The following STRN3 variants were observed in gnomAD, a reference collection of about 807,000 sequenced individuals.
The protein encoded by STRN3 is striatin-3.
Under a neutral mutation model 95.6 loss-of-function variants are expected in STRN3, and 29 were observed. The observed-to-expected ratio is 0.30, with a 90% CI of 0.23 to 0.41. The LOEUF is 0.41. STRN3 is among the 10% of genes least tolerant of loss of function. The pLI is 1.00. For synonymous variants in STRN3, 331 were observed against 357.6 expected (o/e 0.93, Z 0.84); for missense variants, 890 against 972.1 (o/e 0.92, Z 1.12).
At chr14:30,998,348 A>G (rs1188728578) in intron 1 of STRN3, among the ~76,000 whole-genome samples, 1 of 152,236 alleles carries the variant, frequency 6.6e-6, no homozygotes, top group Non-Finnish European at 1.5e-5. Flanking sequence ...AAGCTAACTA[A>G]AAAGCTTAAA....
chr14:30,914,166 T>G (rs564689702), intron 9 of STRN3, among the ~76,000 whole-genome samples: 1 of 152,268 alleles, frequency 6.6e-6, no homozygotes, highest in East Asian at 1.9e-4. Flanking sequence ...TAAAAACTAG[T>G]ACAAACATTG....
chr14:30,984,135 CA>C (rs1566474715), intron 1 of STRN3, among the ~76,000 whole-genome samples: 2 of 103,380 alleles, frequency 1.9e-5, no homozygotes, highest in African/African-American at 3.4e-5. Flanking sequence ...CCGCCCCCCC[CA>C]ACCCCCCCCC....
chr14:30,962,667 TG>T (rs2139166457), intron 1 of STRN3, among the ~76,000 whole-genome samples: 1 of 152,268 alleles, frequency 6.6e-6, no homozygotes, highest in South Asian at 2.1e-4. Context: ...CCCGAGCAGC[TG>T]GAACTACAAG....
At chr14:30,921,660 T>C (rs1186862195) in intron 8 of STRN3, among the ~76,000 whole-genome samples, 1 of 152,032 alleles carries the variant, frequency 6.6e-6, no homozygotes, top group Non-Finnish European at 1.5e-5. Context: ...ATATAATAAA[T>C]GCAATGAAAC....
At chr14:30,934,413 A>G (rs907162525) in intron 7 of STRN3, among the ~76,000 whole-genome samples, 1 of 152,214 alleles carries the variant, frequency 6.6e-6, no homozygotes, top group African/African-American at 2.4e-5. Context: ...CAACATGCTG[A>G]TATTAAATGA....
At chr14:30,991,434 C>G (rs1881949119) in intron 1 of STRN3, among the ~76,000 whole-genome samples, 1 of 152,120 alleles carries the variant, frequency 6.6e-6, no homozygotes, top group Non-Finnish European at 1.5e-5. Context: ...GTAAATAGGA[C>G]AGGCATCTGT....
intron 5 of STRN3, among the ~76,000 whole-genome samples, chr14:30,939,394 A>C (rs1878983749): frequency 6.6e-6 from 1 of 152,184 alleles, no homozygotes; most frequent in Admixed American, 6.6e-5. Context: ...TAAGGAACGC[A>C]GTCTGGAGTG....
At chr14:30,920,708 T>C (rs1896857762) in intron 8 of STRN3, among the ~76,000 whole-genome samples, 1 of 152,168 alleles carries the variant, frequency 6.6e-6, no homozygotes, top group South Asian at 2.1e-4. Flanking sequence ...AATTGGTTTT[T>C]CTATCTCCAA....
Position 30,911,239 on chromosome 14 carries a change from T to C in STRN3, c.1599-77A>G, listed in dbSNP as rs564473547. 229 of 1,448,646 alleles carry C rather than the reference T, an allele frequency of 1.6e-4. 2 individuals carry two copies. The Admixed American group carries it at 5.5e-3, about 35-fold the overall frequency. 89.7% of individuals were successfully genotyped at this position (1,448,646 alleles called of 1,614,324 possible). On this transcript the variant is annotated intron_variant, in intron 12 of 17. Coordinates refer to ENST00000357479, the MANE Select transcript of STRN3 (RefSeq NM_001083893.2). ...CTCAAATCTCCATTCCCCCAACCTC[T>C]GAATTTATGTAATATCTAAAAACTG...
intron 1 of STRN3, among the ~76,000 whole-genome samples, chr14:31,009,871 G>A (rs1423281260): frequency 6.6e-6 from 1 of 152,090 alleles, no homozygotes; most frequent in Non-Finnish European, 1.5e-5. Flanking sequence ...GGCTGGGGTG[G>A]TAGGATTGCT....
chr14:30,956,704 A>G (rs1879922882), intron 1 of STRN3, among the ~76,000 whole-genome samples: 1 of 152,224 alleles, frequency 6.6e-6, no homozygotes, highest in Non-Finnish European at 1.5e-5. Flanking sequence ...TCACCTTCAC[A>G]TAACCTTGAA....
At chr14:30,952,707 A>C (rs1307333465) in intron 3 of STRN3, among the ~76,000 whole-genome samples, 1 of 152,054 alleles carries the variant, frequency 6.6e-6, no homozygotes, top group Non-Finnish European at 1.5e-5. Flanking sequence ...CTCAAAAAAA[A>C]CCAAAAAAAC....
At chr14:30,999,558 C>A (rs1414599088) in intron 1 of STRN3, among the ~76,000 whole-genome samples, 7 of 152,114 alleles carry the variant, frequency 4.6e-5, no homozygotes, top group Non-Finnish European at 8.8e-5. Flanking sequence ...AAGGGCTCAA[C>A]AGCAGCTATG....
At chr14:30,981,606 A>ACACACACACCCCCC in intron 1 of STRN3, among the ~76,000 whole-genome samples, 1 of 148,600 alleles carries the variant, frequency 6.7e-6, no homozygotes, top group East Asian at 2.0e-4. Context: ...ACACACACAC[A>ACACACACACCCCCC]CCCCATAATT....
intron 1 of STRN3, among the ~76,000 whole-genome samples, chr14:30,972,318 T>C (rs1183450926): frequency 6.6e-6 from 1 of 151,596 alleles, no homozygotes; most frequent in African/African-American, 2.4e-5. Context: ...CTCTTTAAAT[T>C]AGCCAATCGG....
intron 1 of STRN3, among the ~76,000 whole-genome samples, chr14:30,960,703 A>G (rs1176732585): frequency 6.6e-6 from 1 of 151,926 alleles, no homozygotes; most frequent in Non-Finnish European, 1.5e-5. Flanking sequence ...CCCCGCCTCT[A>G]CTAAAAATAC....
chr14:30,958,840 T>C (rs1880045114), intron 1 of STRN3, among the ~76,000 whole-genome samples: 1 of 152,348 alleles, frequency 6.6e-6, no homozygotes, highest in South Asian at 2.1e-4. Context: ...GAATTGGTTT[T>C]CATTTCCTTT....
intron 12 of STRN3, among the ~76,000 whole-genome samples, chr14:30,911,536 C>G (rs1222121232): frequency 3.3e-5 from 5 of 152,170 alleles, no homozygotes; most frequent in African/African-American, 9.6e-5. Context: ...CTCCTGACCT[C>G]AAGTGATCTG....
intron 1 of STRN3, among the ~76,000 whole-genome samples, chr14:31,017,079 C>G (rs562868916): frequency 1.4e-3 from 208 of 151,950 alleles, no homozygotes; most frequent in Non-Finnish European, 1.7e-3. Flanking sequence ...CACCTGAACC[C>G]AGAGATCAAG....
Sources: allele counts gnomAD v4.1 joint callset (sites outside exome capture counted in the v4.1 genomes callset), GRCh38; gene constraint gnomAD v4.1.1; transcripts MANE v1.5; gene names NCBI Gene and HGNC (gene_info 2026-07-23, HGNC 2026-07-21).